The following EDC3 variants were observed in gnomAD, a reference collection of about 807,000 sequenced individuals.
The protein encoded by EDC3 is enhancer of mRNA-decapping protein 3.
A neutral mutation model predicts 41.8 loss-of-function variants in EDC3; 20 were observed. The observed-to-expected ratio is 0.48, with a 90% CI of 0.34 to 0.70. The LOEUF (loss-of-function observed/expected upper bound fraction) is 0.70, where lower values mean the gene tolerates loss of function less well. Ranked by LOEUF, EDC3 falls within the 30% of genes least tolerant of loss-of-function variation. The probability of loss-of-function intolerance (pLI) is 0.01; values close to 1 mark genes in which losing one functional copy is unlikely to be tolerated. For missense variants in EDC3, 444 were observed against 636.8 expected (o/e 0.70, Z 3.26); for synonymous variants, 206 against 243.2 (o/e 0.85, Z 1.42).
In EDC3 at chr15:74,655,833, C is replaced by T; in HGVS notation, c.720G>A (p.Arg240=). ...TCTCATCATGGCGGTACCGAGTGGGCCTTTCATTTGGGATGCCCCGGGAAC... is the reference window on the plus strand; with the variant it reads ...TCTCATCATGGCGGTACCGAGTGGGTCTTTCATTTGGGATGCCCCGGGAAC... The part of the protein sequence containing the change: ...GTRSRGIPNE[R]PTRYRHDENI... The change falls in exon 4 of 7, where the codon AGG becomes AGA. Residue 240 remains arginine (R), a synonymous_variant. Coordinates refer to ENST00000315127, the MANE Select transcript of EDC3 (RefSeq NM_025083.5). 1 of 1,614,074 alleles carries T rather than the reference C, an allele frequency of 6.2e-7. No homozygotes were observed. Among genetic ancestry groups the T allele is most frequent in the Non-Finnish European group, 8.5e-7 (1 of 1,180,024 alleles).
chr15:74,682,414 C>A (rs145104891), intron 1 of EDC3, among the ~76,000 whole-genome samples: 7,280 of 151,494 alleles, frequency 0.048, 300 homozygotes, highest in African/African-American at 0.11. Flanking sequence ...GTCAGGAGAT[C>A]GAGACCATCC....
At chr15:74,680,573 C>T (rs1250457652) in intron 1 of EDC3, among the ~76,000 whole-genome samples, 1 of 152,136 alleles carries the variant, frequency 6.6e-6, no homozygotes, top group Admixed American at 6.6e-5. Context: ...TGAATGCTTT[C>T]CCTATAAGAA....
chr15:74,634,884 C>T (rs1795705580), intron 6 of EDC3, among the ~76,000 whole-genome samples: 1 of 152,150 alleles, frequency 6.6e-6, no homozygotes, highest in Admixed American at 6.5e-5. Flanking sequence ...CATTTCTCTA[C>T]TTATTCCTTC....
rs2062212297 is a variant in EDC3 at position 74,631,778 on chromosome 15, A to G, written c.*834T>C. On this transcript the variant is annotated 3_prime_UTR_variant, in exon 7 of 7. Transcript: ENST00000315127. ...ACCAGGCTCCCCCAGGGATATCCCC[A>G]TCTGAGGGGTCTGGCCCCAGACTAG... 1 of 152,638 alleles carries G rather than the reference A, an allele frequency of 6.6e-6. No homozygotes were observed. The highest frequency in any genetic ancestry group is 1.5e-5 in the Non-Finnish European group (1 of 68,134). 9.5% of individuals were successfully genotyped at this position (152,638 alleles called of 1,614,324 possible).
At chr15:74,635,165 G>C in intron 6 of EDC3, 1 of 683,520 alleles carries the variant, frequency 1.5e-6, no homozygotes, top group South Asian at 1.5e-5. Flanking sequence ...CAGGAAGAGT[G>C]CCTGTTCAAC....
At chr15:74,651,314 C>T (rs111225867) in intron 4 of EDC3, among the ~76,000 whole-genome samples, 5,192 of 152,260 alleles carry the variant, frequency 0.034, 131 homozygotes, top group Middle Eastern at 0.12. Flanking sequence ...TCCGTGACTG[C>T]GGGAGACAGA....
intron 4 of EDC3, among the ~76,000 whole-genome samples, chr15:74,652,800 G>A (rs903340584): frequency 6.7e-6 from 1 of 150,268 alleles, no homozygotes; most frequent in Admixed American, 6.6e-5. Context: ...GGCTGGTCTT[G>A]AACTCCTGAG....
rs2062375850 is a variant in EDC3 at position 74,643,311 on chromosome 15, T to A, written c.821-2692A>T. 3 of 152,226 alleles carry A rather than the reference T, an allele frequency of 2.0e-5. No individual in the cohort carries two copies. The South Asian group carries it at 6.2e-4, about 32-fold the overall frequency. 9.4% of individuals were successfully genotyped at this position (152,226 alleles called of 1,614,324 possible). A position where few individuals can be genotyped will look rare whatever the true frequency, so the allele number is the denominator to read the frequency against. On this transcript the variant is annotated intron_variant, in intron 4 of 6. Coordinates refer to ENST00000315127, the MANE Select transcript of EDC3 (RefSeq NM_025083.5). ...CTTTATTGTTCGGGAATCAAGGCAG[T>A]AAAATCAGTTGGTAGGGTTTCTTTG...
chr15:74,669,527 T>A (rs1484410862), intron 3 of EDC3, among the ~76,000 whole-genome samples: 7 of 142,308 alleles, frequency 4.9e-5, no homozygotes, highest in Non-Finnish European at 7.6e-5. Context: ...AAAAAAAAAA[T>A]TAGTTTTAAT....
intron 1 of EDC3, among the ~76,000 whole-genome samples, chr15:74,679,161 A>G (rs1369009716): frequency 6.6e-6 from 1 of 152,114 alleles, no homozygotes; most frequent in Non-Finnish European, 1.5e-5. Context: ...GCGCCACTGC[A>G]CTCCAGCCCA....
intron 4 of EDC3, chr15:74,643,490 ACTC>A (rs1257908461): frequency 2.0e-5 from 3 of 151,684 alleles, no homozygotes; most frequent in Admixed American, 2.0e-4. Context: ...AGGAAAGAAA[ACTC>A]CTCCTTGCAC....
Position 74,668,030 on chromosome 15 carries a change from G to C in EDC3, c.484+3425C>G, listed in dbSNP as rs997477622. Among the ~76,000 whole-genome samples, 7 of 152,190 alleles carry C rather than the reference G, an allele frequency of 4.6e-5. No homozygotes were observed. In the East Asian group the frequency reaches 5.8e-4, roughly 13 times the overall value. ...AACCATGGTGATAATATATACACTT[G>C]ACACAAGGTGATGAAAATGGTACTT... is the stretch of plus-strand genomic sequence containing the variant. On this transcript the variant is annotated intron_variant, in intron 3 of 6. Coordinates refer to ENST00000315127, the MANE Select transcript of EDC3 (RefSeq NM_025083.5).
chr15:74,640,274 T>A (rs2062333318), intron 5 of EDC3, 192 bp downstream of exon 5: 2 of 605,946 alleles, frequency 3.3e-6, no homozygotes, highest in Non-Finnish European at 5.7e-6. Context: ...AATGAGGACA[T>A]CTAGGAGATG....
At chr15:74,691,348 T>C (rs2063005512) in intron 1 of EDC3, among the ~76,000 whole-genome samples, 1 of 152,160 alleles carries the variant, frequency 6.6e-6, no homozygotes, top group Non-Finnish European at 1.5e-5. Context: ...TTTAAGATAC[T>C]ATATGGATTA....
intron 3 of EDC3, among the ~76,000 whole-genome samples, chr15:74,657,239 G>A (rs966440682): frequency 6.6e-6 from 1 of 152,216 alleles, no homozygotes; most frequent in African/African-American, 2.4e-5. Context: ...GGGGCTTCAG[G>A]AGTTGTAGAC....
At chr15:74,689,432 T>A (rs1324070416) in intron 1 of EDC3, among the ~76,000 whole-genome samples, 1 of 152,284 alleles carries the variant, frequency 6.6e-6, no homozygotes. Context: ...TAATGACTAC[T>A]GAATTCAGAG....
At chr15:74,676,837 AAAG>A (rs2062811431) in intron 1 of EDC3, 2 of 152,228 alleles carry the variant, frequency 1.3e-5, no homozygotes, top group African/African-American at 4.8e-5. Context: ...ATACTTCACC[AAAG>A]AAGACATGGA....
chr15:74,646,479 T>A (rs528149225), intron 4 of EDC3, among the ~76,000 whole-genome samples: 20 of 152,322 alleles, frequency 1.3e-4, no homozygotes, highest in Admixed American at 1.3e-3. Flanking sequence ...GTGCAAAGTA[T>A]CAATTTCAAA....
At chr15:74,690,759 C>T (rs934952465) in intron 1 of EDC3, among the ~76,000 whole-genome samples, 3 of 152,218 alleles carry the variant, frequency 2.0e-5, no homozygotes, top group African/African-American at 4.8e-5. Context: ...CCAGCCTGGA[C>T]AACATAGCAA....
Sources: gnomAD v4.1 joint callset for allele counts (sites outside exome capture counted in the v4.1 genomes callset) on GRCh38, gnomAD v4.1.1 for gene constraint, MANE v1.5 for transcripts, NCBI Gene and HGNC (gene_info 2026-07-23, HGNC 2026-07-21) for gene names.